SYCP1: variants seen among roughly 807,000 people sequenced by gnomAD.
The protein encoded by SYCP1 is cancer/testis antigen 8.
SYCP1 carries 64 observed loss-of-function variants against 153.1 expected under a neutral mutation model. The observed-to-expected ratio is 0.42, with a 90% confidence interval of 0.34 to 0.51. The LOEUF (loss-of-function observed/expected upper bound fraction) is 0.51, where lower values mean the gene tolerates loss of function less well. SYCP1 is among the 20% of genes least tolerant of loss of function. The probability of loss-of-function intolerance (pLI) is 0.06; values close to 1 mark genes in which losing one functional copy is unlikely to be tolerated. For synonymous variants in SYCP1, 384 were observed against 341.8 expected (o/e 1.12, Z -1.36); for missense variants, 997 against 1,049.0 (o/e 0.95, Z 0.68).
intron 16 of SYCP1, among the ~76,000 whole-genome samples, chr1:114,907,581 A>G (rs1318039913): frequency 1.4e-5 from 2 of 146,826 alleles, no homozygotes; most frequent in East Asian, 3.9e-4. Flanking sequence ...AAATGTTGAA[A>G]CTTTTTTTTT....
chr1:114,921,615 G>A (rs1668886192), intron 20 of SYCP1, among the ~76,000 whole-genome samples: 1 of 149,656 alleles, frequency 6.7e-6, no homozygotes, highest in Admixed American at 6.7e-5. Context: ...GGAGGTGGAG[G>A]TTGCAGTGAG....
chr1:114,886,003 A>C (rs1024637761), intron 13 of SYCP1, 122 bp from the exon 14 acceptor site: 14 of 603,548 alleles, frequency 2.3e-5, no homozygotes, highest in Non-Finnish European at 3.5e-5. Flanking sequence ...GGTAGGAAGG[A>C]GGAATAATAG....
At position 114,885,636 on chromosome 1, in the gene SYCP1, T is replaced by C. The variant is rs1333524343; in HGVS notation, c.1005+7T>C. Reference sequence around the variant, plus strand: ...GTCATTACAAAGAAGTGTGGTATGATTTAAAAACTCATTAGTGTGTAATAA... The same window carrying C: ...GTCATTACAAAGAAGTGTGGTATGACTTAAAAACTCATTAGTGTGTAATAA... On this transcript the variant is annotated splice_region_variant and intron_variant, in intron 13 of 31. Transcript: ENST00000369522. 6.7e-7 allele frequency: 1 copy of C among 1,498,362 alleles called. No homozygotes were observed. The allele number at this position is 1,498,362 out of a possible 1,614,324, so 92.8% of individuals were successfully genotyped here. A position where few individuals can be genotyped will look rare whatever the true frequency, so the allele number is the denominator to read the frequency against.
At chr1:114,884,091 G>A (rs900845675) in intron 12 of SYCP1, among the ~76,000 whole-genome samples, 4 of 152,072 alleles carry the variant, frequency 2.6e-5, no homozygotes, top group Admixed American at 6.5e-5. Flanking sequence ...AACTTGGCAC[G>A]TACTTCTGTT....
At chr1:114,907,652 G>T (rs112978230) in intron 16 of SYCP1, among the ~76,000 whole-genome samples, 3 of 148,398 alleles carry the variant, frequency 2.0e-5, no homozygotes, top group Non-Finnish European at 4.4e-5. Flanking sequence ...CATGATCTCC[G>T]CTCACTGCAA....
intron 23 of SYCP1, 149 bp downstream of exon 23, chr1:114,926,712 G>A (rs1669278196): frequency 1.6e-6 from 1 of 621,124 alleles, no homozygotes; most frequent in African/African-American, 1.9e-5. Flanking sequence ...TTTTTAAATA[G>A]AGGAGATCAA....
chr1:114,959,232 C>G lies in SYCP1; in HGVS notation c.2322+11912C>G, dbSNP rs184407095. 3.2e-4 allele frequency among the ~76,000 whole-genome samples: 49 copies of G among 152,144 alleles called. 2 individuals are homozygous for G. The highest frequency in any genetic ancestry group is 1.1e-3 in the African/African-American group (47 of 41,492). ...TCTGTTGAGGTGATCATGTGGGTTTCTCCGTTTATTCCATTAATATTATGT... is the reference window on the plus strand; with the variant it reads ...TCTGTTGAGGTGATCATGTGGGTTTGTCCGTTTATTCCATTAATATTATGT... On this transcript the variant is annotated intron_variant, in intron 27 of 31. Coordinates refer to ENST00000369522, the MANE Select transcript of SYCP1 (RefSeq NM_003176.4).
chr1:114,947,488 T>C (rs951375173), intron 27 of SYCP1, among the ~76,000 whole-genome samples, 168 bp downstream of exon 27: 2 of 152,088 alleles, frequency 1.3e-5, no homozygotes, highest in African/African-American at 2.4e-5. Context: ...TATTTCCTAA[T>C]GTAAATGCAA....
At chr1:114,988,630 A>C (rs1673698957) in intron 30 of SYCP1, among the ~76,000 whole-genome samples, 1 of 152,034 alleles carries the variant, frequency 6.6e-6, no homozygotes, top group Admixed American at 6.6e-5. Context: ...AGAGTCTGTT[A>C]CCACTAAACC....
chr1:114,860,940 TTTTA>T, intron 8 of SYCP1, 131 bp downstream of exon 8: 1 of 626,398 alleles, frequency 1.6e-6, no homozygotes, highest in East Asian at 3.1e-5. Flanking sequence ...CTCAGACTAT[TTTTA>T]TATAAGTAAT....
intron 27 of SYCP1, among the ~76,000 whole-genome samples, chr1:114,960,173 T>G (rs1452665445): frequency 6.9e-6 from 1 of 144,656 alleles, no homozygotes; most frequent in Non-Finnish European, 1.5e-5. Flanking sequence ...GTTTTTTTTT[T>G]TTTTTTTTTT....
intron 27 of SYCP1, among the ~76,000 whole-genome samples, chr1:114,977,132 C>A (rs1489094644): frequency 6.6e-6 from 1 of 151,828 alleles, no homozygotes; most frequent in Non-Finnish European, 1.5e-5. Context: ...CAAAGTCTAA[C>A]TGAACTGCAC....
At chr1:114,959,087 C>T (rs1448635568) in intron 27 of SYCP1, among the ~76,000 whole-genome samples, 2 of 151,934 alleles carry the variant, frequency 1.3e-5, no homozygotes, top group African/African-American at 2.4e-5. Flanking sequence ...TTCAGTGTAT[C>T]TAGATGCCCT....
chr1:114,960,163 GT>G (rs757126453), intron 27 of SYCP1, among the ~76,000 whole-genome samples: 1,451 of 109,440 alleles, frequency 0.013, 12 homozygotes, highest in African/African-American at 0.051. Flanking sequence ...TAGTTTGCTT[GT>G]TTTTTTTTTT....
At chr1:114,888,595 C>T (rs1056168145) in intron 15 of SYCP1, among the ~76,000 whole-genome samples, 1 of 151,884 alleles carries the variant, frequency 6.6e-6, no homozygotes, top group Non-Finnish European at 1.5e-5. Context: ...ATTGTATCTT[C>T]TTAGGATAAC....
At chr1:114,865,940 C>T (rs905345346) in intron 8 of SYCP1, among the ~76,000 whole-genome samples, 9 of 151,820 alleles carry the variant, frequency 5.9e-5, no homozygotes, top group Non-Finnish European at 1.2e-4. Flanking sequence ...AGTACGTAGG[C>T]TTTTCATATT....
At chr1:114,856,743 A>G in intron 3 of SYCP1, 86 bp downstream of exon 3, 1 of 1,002,466 alleles carries the variant, frequency 1.0e-6, no homozygotes, top group Non-Finnish European at 1.5e-6. Flanking sequence ...TAACATAAGT[A>G]TTATATAAGT....
chr1:114,956,902 C>T (rs12726868), intron 27 of SYCP1, among the ~76,000 whole-genome samples: 15,419 of 151,122 alleles, frequency 0.1, 941 homozygotes, highest in South Asian at 0.17. Flanking sequence ...CTTAATCTCT[C>T]AGTGTGCAGA....
chr1:114,880,747 C>CT (rs1040360512), intron 12 of SYCP1, among the ~76,000 whole-genome samples: 4 of 152,208 alleles, frequency 2.6e-5, no homozygotes, highest in African/African-American at 9.6e-5. Flanking sequence ...CAGCAGTTTT[C>CT]TTTTAAGAAT....
Sources: allele counts gnomAD v4.1 joint callset (sites outside exome capture counted in the v4.1 genomes callset), GRCh38; gene constraint gnomAD v4.1.1; transcripts MANE v1.5; gene names NCBI Gene and HGNC (gene_info 2026-07-23, HGNC 2026-07-21).